PCDHGB3: variants seen among roughly 807,000 people sequenced by gnomAD.
PCDHGB3 encodes protocadherin gamma-B3.
A neutral mutation model predicts 59.2 loss-of-function variants in PCDHGB3; 40 were observed. That is an observed-to-expected ratio of 0.68 (90% confidence interval 0.52 to 0.88). PCDHGB3 has a LOEUF of 0.88. Ranked by LOEUF, PCDHGB3 falls within the 40% of genes least tolerant of loss-of-function variation. PCDHGB3 has a pLI of 0.00. For missense variants in PCDHGB3, 1,309 were observed against 1,187.9 expected, an observed-to-expected ratio of 1.10 and a Z score of -1.50; for synonymous variants, 581 against 503.6, an observed-to-expected ratio of 1.15 and a Z score of -2.06.
At position 141,489,076 on chromosome 5, in the gene PCDHGB3, C is replaced by T. The variant is rs536134432; in HGVS notation, c.2416-5731C>T. The T allele has an allele frequency of 6.1e-6, 2 of 326,424 alleles. No individual in the cohort carries two copies. Among genetic ancestry groups the T allele is most frequent in the East Asian group, 5.8e-5 (1 of 17,220 alleles). 20.2% of individuals were successfully genotyped at this position (326,424 alleles called of 1,614,324 possible). On this transcript the variant is annotated intron_variant, in intron 1 of 3. Coordinates refer to ENST00000576222, the MANE Select transcript of PCDHGB3 (RefSeq NM_018924.5). The surrounding 1 kb of genome is among the most constrained non-coding windows in gnomAD (Gnocchi z 4.5). The stretch of plus-strand genomic sequence containing the variant: ...CAGCTCCCCTCCCCCCTGCCCACCC[C>T]CGCCACTCGGTGACTAAGAACTGCT...
intron 1 of PCDHGB3, chr5:141,395,360 GT>G: frequency 1.5e-6 from 2 of 1,290,436 alleles, no homozygotes; most frequent in Non-Finnish European, 2.1e-6. Context: ...AGAGTTTTGG[GT>G]TTATTTTGGT....
intron 1 of PCDHGB3, chr5:141,441,530 A>T (rs2154559371): frequency 5.8e-6 from 1 of 172,118 alleles, no homozygotes; most frequent in Non-Finnish European, 1.2e-5. Flanking sequence ...GCCAAGAACA[A>T]TCTTCCCAAA....
intron 1 of PCDHGB3, chr5:141,384,274 G>T (rs1396743546): frequency 6.2e-7 from 1 of 1,613,704 alleles, no homozygotes; most frequent in East Asian, 2.2e-5. Flanking sequence ...ATCCTACTCA[G>T]TCTACATCGC....
chr5:141,407,807 T>C (rs916388568), intron 1 of PCDHGB3, among the ~76,000 whole-genome samples: 1 of 152,202 alleles, frequency 6.6e-6, no homozygotes, highest in African/African-American at 2.4e-5. Flanking sequence ...CATAGAAATA[T>C]CTACTATAAT....
intron 3 of PCDHGB3, 31 bp downstream of exon 3, chr5:141,505,512 T>C (rs754223095): frequency 6.2e-7 from 1 of 1,613,676 alleles, no homozygotes; most frequent in South Asian, 1.1e-5. Context: ...TATGGAAGAG[T>C]GGGAGACCTG....
chr5:141,490,098 T>C lies in PCDHGB3; in HGVS notation c.2416-4709T>C, dbSNP rs774132407. On this transcript the variant is annotated intron_variant, in intron 1 of 3. Transcript: ENST00000576222. The surrounding 1 kb of genome is among the most constrained non-coding windows in gnomAD (Gnocchi z 5.4). ...ACTATTCTTTTGGAGACCACACATCTGAGGCAGTGCGGAACCTCTTTGGCC... is the reference window on the plus strand; with the variant it reads ...ACTATTCTTTTGGAGACCACACATCCGAGGCAGTGCGGAACCTCTTTGGCC... The C allele has an allele frequency of 6.2e-7, 1 of 1,614,260 alleles. No homozygotes were observed. The highest frequency in any genetic ancestry group is 8.5e-7 in the Non-Finnish European group (1 of 1,180,038).
At chr5:141,390,064 C>A in intron 1 of PCDHGB3, 3 of 1,614,058 alleles carry the variant, frequency 1.9e-6, no homozygotes, top group Middle Eastern at 3.3e-4. Context: ...TGCTTCCAGC[C>A]TGGTCTCTGT....
At chr5:141,454,941 G>A (rs2098807517) in intron 1 of PCDHGB3, among the ~76,000 whole-genome samples, 1 of 150,970 alleles carries the variant, frequency 6.6e-6, no homozygotes, top group Non-Finnish European at 1.5e-5. Flanking sequence ...CCGAGTAGCT[G>A]GGACTACAGG....
intron 2 of PCDHGB3, among the ~76,000 whole-genome samples, chr5:141,501,288 T>TAC (rs1562199973): frequency 3.7e-5 from 3 of 81,228 alleles, no homozygotes; most frequent in South Asian, 4.2e-4. Context: ...GATATTCCCT[T>TAC]ATACACACAC....
At chr5:141,403,892 T>C in intron 1 of PCDHGB3, 1 of 1,613,820 alleles carries the variant, frequency 6.2e-7, no homozygotes, top group Non-Finnish European at 8.5e-7. Flanking sequence ...AGAATGTTCA[T>C]TTTATGAAAT....
In PCDHGB3 at chr5:141,370,380, G is replaced by C. The variant is rs1407234552; in HGVS notation, c.-15G>C. 1 of 1,532,358 alleles carries C rather than the reference G, an allele frequency of 6.5e-7. No individual in the cohort carries two copies. The highest frequency in any genetic ancestry group is 8.8e-7 in the Non-Finnish European group (1 of 1,142,752). 94.9% of individuals were successfully genotyped at this position (1,532,358 alleles called of 1,614,324 possible). ...CTCTCCTCGGATTTAGAAAGGCAAA[G>C]GCGCAGAGAGCGGGATGGGAAATAG... On this transcript the variant is annotated 5_prime_UTR_variant, in exon 1 of 4. Coordinates refer to ENST00000576222, the MANE Select transcript of PCDHGB3 (RefSeq NM_018924.5).
chr5:141,423,156 C>G, intron 1 of PCDHGB3: 1 of 1,613,388 alleles, frequency 6.2e-7, no homozygotes, highest in Non-Finnish European at 8.5e-7. Flanking sequence ...AGCAGAGCCT[C>G]GTGGTGGCCG....
chr5:141,485,247 G>T lies in PCDHGB3; in HGVS notation c.2416-9560G>T. On this transcript the variant is annotated intron_variant, in intron 1 of 3. Coordinates refer to ENST00000576222, the MANE Select transcript of PCDHGB3 (RefSeq NM_018924.5). The surrounding 1 kb of genome is among the most constrained non-coding windows in gnomAD (Gnocchi z 5.7). ...CTTTTGTTCCTCTTTTACCACCTGG[G>T]TTACGTTTGTGGGCAGATCCGCTAC... The T allele has an allele frequency of 2.5e-6, 4 of 1,614,156 alleles. No individual in the cohort carries two copies. The highest frequency in any genetic ancestry group is 3.4e-6 in the Non-Finnish European group (4 of 1,180,010).
chr5:141,426,394 A>G (rs1353766048), intron 1 of PCDHGB3: 1 of 258,122 alleles, frequency 3.9e-6, no homozygotes, highest in African/African-American at 2.2e-5. Flanking sequence ...CCGCTACTCT[A>G]TTCCAGAAGA....
chr5:141,452,848 G>A (rs1425590240), intron 1 of PCDHGB3, among the ~76,000 whole-genome samples: 9 of 152,128 alleles, frequency 5.9e-5, no homozygotes, highest in Non-Finnish European at 1.0e-4. Flanking sequence ...CCCACACTCT[G>A]GGGAGATGAT....
At chr5:141,388,668 C>G in intron 1 of PCDHGB3, 1 of 1,613,882 alleles carries the variant, frequency 6.2e-7, no homozygotes, top group Non-Finnish European at 8.5e-7. Flanking sequence ...GACCACGGTG[C>G]TACAGGTGAC....
intron 1 of PCDHGB3, among the ~76,000 whole-genome samples, chr5:141,458,869 A>G (rs2154566384): frequency 6.6e-6 from 1 of 152,264 alleles, no homozygotes; most frequent in East Asian, 1.9e-4. Context: ...AGTAGCTGGG[A>G]CTACAGGCAT....
In PCDHGB3 at chr5:141,371,753, C is replaced by G; in HGVS notation, c.1359C>G (p.His453Gln). 6.2e-7 allele frequency: 1 copy of G among 1,614,050 alleles called. No individual in the cohort carries two copies. The highest frequency in any genetic ancestry group is 8.5e-7 in the Non-Finnish European group (1 of 1,179,904). Residue 453 changes from histidine to glutamine, a missense_variant, in exon 1 of 4, where the codon CAC (histidine) becomes CAG (glutamine). Coordinates refer to ENST00000576222, the MANE Select transcript of PCDHGB3 (RefSeq NM_018924.5). ...LDVNDNVPVF[H>Q]QASYTVHVAE... ...TCAACGACAACGTTCCCGTTTTCCA[C>G]CAGGCCTCCTACACCGTGCATGTAG...
At position 141,476,719 on chromosome 5, in the gene PCDHGB3, C is replaced by T; in HGVS notation, c.2416-18088C>T. ...ACGCGGAGCTGGTGTTGGAGCGCGC[C>T]CTGGACCGAGAACGGGAGCCTAGTC... On this transcript the variant is annotated intron_variant, in intron 1 of 3. Coordinates refer to ENST00000576222, the MANE Select transcript of PCDHGB3 (RefSeq NM_018924.5). The surrounding 1 kb of genome is among the most constrained non-coding windows in gnomAD (Gnocchi z 7.6). The T allele has an allele frequency of 6.2e-7, 1 of 1,614,154 alleles. No homozygotes were observed.
Sources: gnomAD v4.1 joint callset for allele counts (sites outside exome capture counted in the v4.1 genomes callset) on GRCh38, gnomAD v4.1.1 for gene constraint, Gnocchi (gnomAD v3.1) non-coding constraint, MANE v1.5 for transcripts, NCBI Gene and HGNC (gene_info 2026-07-23, HGNC 2026-07-21) for gene names.